Variants in TPRKB observed in about 807,000 individuals in gnomAD.
The protein encoded by TPRKB is TP53RK binding protein.
In TPRKB, 11 loss-of-function variants were observed where a neutral mutation model predicts 17.8. The ratio of observed to expected loss-of-function variants is 0.62; its 90% CI spans 0.39 to 1.02. The LOEUF (loss-of-function observed/expected upper bound fraction) is 1.02, where lower values mean the gene tolerates loss of function less well. TPRKB is among the 50% of genes least tolerant of loss of function. The pLI is 0.00. For missense variants in TPRKB, 228 were observed against 198.0 expected (o/e 1.15, Z -0.91); for synonymous variants, 71 against 69.5 (o/e 1.02, Z -0.11).
chr2:73,732,365 T>G, intron 2 of TPRKB, 80 bp from the exon 3 acceptor site: 1 of 1,443,698 alleles, frequency 6.9e-7, no homozygotes. Flanking sequence ...CATGGTTAAC[T>G]CCAGTGTCAA....
At chr2:73,731,139 T>G (rs1671593762) in intron 3 of TPRKB, 1 of 156,688 alleles carries the variant, frequency 6.4e-6, no homozygotes, top group South Asian at 2.0e-4. Context: ...TCCTCATGGC[T>G]TGGCTGCTGA....
intron 2 of TPRKB, among the ~76,000 whole-genome samples, chr2:73,733,253 T>C (rs990887306): frequency 6.9e-6 from 1 of 143,886 alleles, no homozygotes; most frequent in African/African-American, 2.6e-5. Context: ...CCTGTTTTTT[T>C]GTTTTTTTTT....
chr2:73,732,045 A>G (rs1671635055), intron 3 of TPRKB, 118 bp downstream of exon 3: 1 of 1,127,058 alleles, frequency 8.9e-7, no homozygotes. Flanking sequence ...AGCTCTCTTC[A>G]CTATTATTTG....
At chr2:73,731,536 T>C (rs1008662962) in intron 3 of TPRKB, among the ~76,000 whole-genome samples, 6 of 152,238 alleles carry the variant, frequency 3.9e-5, no homozygotes, top group African/African-American at 1.4e-4. Flanking sequence ...TGCTACAGGT[T>C]TCCTGTAGAT....
chr2:73,730,665 C>A lies in TPRKB; in HGVS notation c.336G>T (p.Glu112Asp). Residue 112 changes from glutamate (E) to aspartate (D), a missense_variant, in exon 4 of 5, where the codon GAG becomes GAT. Coordinates refer to ENST00000272424, the MANE Select transcript of TPRKB (RefSeq NM_016058.5). ...DTSILIVYIE[E>D]GEKQINQEYL... ...ATTCTTGATTTATTTGTTTTTCTCC[C>A]TCTTCAATGTAAACAATTAGAATTG... is the stretch of plus-strand genomic sequence containing the variant. 6.3e-7 allele frequency: 1 copy of A among 1,585,546 alleles called. No individual in the cohort carries two copies. Among genetic ancestry groups the A allele is most frequent in the Non-Finnish European group, 8.5e-7 (1 of 1,170,414 alleles).
chr2:73,737,312 C>A lies in TPRKB; in HGVS notation c.-33G>T, dbSNP rs953326069. 1.3e-5 allele frequency: 2 copies of A among 152,252 alleles called. No homozygotes were observed. Among genetic ancestry groups the A allele is most frequent in the East Asian group, 1.9e-4 (1 of 5,196 alleles). The allele number at this position is 152,252 out of a possible 1,614,324, so 9.4% of individuals were successfully genotyped here. A position where few individuals can be genotyped will look rare whatever the true frequency, so the allele number is the denominator to read the frequency against. On this transcript the variant is annotated 5_prime_UTR_variant, in exon 1 of 5. Coordinates refer to ENST00000272424, the MANE Select transcript of TPRKB (RefSeq NM_016058.5). ...GCAAGGAAAACTCACCATCCGGCCC[C>A]CAGTGCGTCTCGGAAGAGCTCCCGC...
chr2:73,732,162 CAT>C lies in TPRKB; in HGVS notation c.263_264del (p.Ile89PhefsTer13), dbSNP rs1398417934. 6.2e-7 allele frequency: 1 copy of C among 1,612,934 alleles called. No individual in the cohort carries two copies. Among genetic ancestry groups the C allele is most frequent in the Non-Finnish European group, 8.5e-7 (1 of 1,179,574 alleles). Reference sequence around the variant, plus strand: ...AACAGAAATAGGAAAGTGCACATTACATTGTTATTTGGGGAAAGGTTGAAAAT... The same window carrying C: ...AACAGAAATAGGAAAGTGCACATTACTGTTATTTGGGGAAAGGTTGAAAAT... ...EIIFNLSPNNNISEALKKFGI... is the reference protein window; with the variant it reads ...EIIFNLSPNNXISEALKKFGI... On this transcript the variant is annotated frameshift_variant and splice_region_variant, in exon 3 of 5. Transcript: ENST00000272424. LOFTEE classifies it high-confidence loss of function.
chr2:73,730,581 C>CATT lies in TPRKB; in HGVS notation c.417_419dup (p.Ile139dup). 1 of 1,589,332 alleles carries CATT rather than the reference C, an allele frequency of 6.3e-7. No homozygotes were observed. The highest frequency in any genetic ancestry group is 8.5e-7 in the Non-Finnish European group (1 of 1,172,490). ...AAACCTTTTTGACTTCTGTAATATT[C>CATT]ATTATTTCAGGAAGATTTTTCAGAG... On this transcript the variant is annotated inframe_insertion, in exon 4 of 5. Coordinates refer to ENST00000272424, the MANE Select transcript of TPRKB (RefSeq NM_016058.5).
chr2:73,737,305 C>G lies in TPRKB; in HGVS notation c.-26G>C, dbSNP rs1463397035. 2 of 152,282 alleles carry G rather than the reference C, an allele frequency of 1.3e-5. No individual in the cohort carries two copies. The highest frequency in any genetic ancestry group is 4.8e-5 in the African/African-American group (2 of 41,454). The allele number at this position is 152,282 out of a possible 1,614,324, so 9.4% of individuals were successfully genotyped here. A position where few individuals can be genotyped will look rare whatever the true frequency, so the allele number is the denominator to read the frequency against. On this transcript the variant is annotated 5_prime_UTR_variant, in exon 1 of 5. Transcript: ENST00000272424. ...TTAGAGCGCAAGGAAAACTCACCATCCGGCCCCCAGTGCGTCTCGGAAGAG... is the reference window on the plus strand; with the variant it reads ...TTAGAGCGCAAGGAAAACTCACCATGCGGCCCCCAGTGCGTCTCGGAAGAG...
In TPRKB at chr2:73,730,756, A is replaced by G; in HGVS notation, c.265-20T>C. On this transcript the variant is annotated intron_variant, in intron 3 of 4. Coordinates refer to ENST00000272424, the MANE Select transcript of TPRKB (RefSeq NM_016058.5). ...TGAAATCTAAGAGAAAAAAAATGAA[A>G]AAAAAAACACAAGATCATTAACCAT... 6.8e-7 allele frequency: 1 copy of G among 1,478,386 alleles called. No individual in the cohort carries two copies. The highest frequency in any genetic ancestry group is 2.7e-5 in the Admixed American group (1 of 37,608). 91.6% of individuals were successfully genotyped at this position (1,478,386 alleles called of 1,614,324 possible). A position where few individuals can be genotyped will look rare whatever the true frequency, so the allele number is the denominator to read the frequency against.
At chr2:73,733,412 C>G (rs746197771) in intron 2 of TPRKB, among the ~76,000 whole-genome samples, 14 of 152,086 alleles carry the variant, frequency 9.2e-5, no homozygotes, top group Admixed American at 3.3e-4. Flanking sequence ...GCACACACCA[C>G]CACACCCAGC....
intron 2 of TPRKB, 92 bp from the exon 3 acceptor site, chr2:73,732,377 C>CTGTT (rs1248401729): frequency 1.5e-6 from 2 of 1,361,770 alleles, no homozygotes; most frequent in Admixed American, 4.6e-5. Flanking sequence ...CAGTGTCAAG[C>CTGTT]TGTTTTACTT....
chr2:73,737,150 C>G (rs1426251358), intron 1 of TPRKB, among the ~76,000 whole-genome samples, 152 bp downstream of exon 1: 1 of 152,202 alleles, frequency 6.6e-6, no homozygotes, highest in East Asian at 1.9e-4. Context: ...AGGGGACAGC[C>G]TGACTCTATC....
intron 1 of TPRKB, 61 bp from the exon 2 acceptor site, chr2:73,734,652 C>A: frequency 7.2e-7 from 1 of 1,383,968 alleles, no homozygotes; most frequent in Non-Finnish European, 9.7e-7. Flanking sequence ...GAACTCATTT[C>A]TTAATAAATA....
chr2:73,729,905 C>A lies in TPRKB; in HGVS notation c.*38G>T. On this transcript the variant is annotated 3_prime_UTR_variant, in exon 5 of 5. Transcript: ENST00000272424. ...GTCAGGAAAGGAAAATCAATGTTTTCTTTAATGCTGAGAATTTTTGTTAAT... is the reference window on the plus strand; with the variant it reads ...GTCAGGAAAGGAAAATCAATGTTTTATTTAATGCTGAGAATTTTTGTTAAT... 2.8e-6 allele frequency: 4 copies of A among 1,411,938 alleles called. No individual in the cohort carries two copies. The highest frequency in any genetic ancestry group is 1.5e-5 in the African/African-American group (1 of 68,454). The allele number at this position is 1,411,938 out of a possible 1,614,324, so 87.5% of individuals were successfully genotyped here.
At chr2:73,733,418 C>A (rs1671725912) in intron 2 of TPRKB, among the ~76,000 whole-genome samples, 1 of 151,960 alleles carries the variant, frequency 6.6e-6, no homozygotes, top group Non-Finnish European at 1.5e-5. Context: ...ACCACCACAC[C>A]CAGCTACTTT....
chr2:73,732,357 T>C (rs1461411632), intron 2 of TPRKB, 72 bp from the exon 3 acceptor site: 1 of 1,490,018 alleles, frequency 6.7e-7, no homozygotes, highest in African/African-American at 1.4e-5. Flanking sequence ...TGGTAACTCA[T>C]GGTTAACTCC....
At position 73,734,550 on chromosome 2, in the gene TPRKB, A is replaced by T. The variant is rs1489556032; in HGVS notation, c.20T>A (p.Leu7Gln). The stretch of plus-strand genomic sequence containing the variant: ...TACCCTGCATTCGGGAAATAGGTCC[A>T]GCTGATGTGTTAACTGCATTTCACA... MQLTHQ[L>Q]DLFPECRVTL... The change falls in exon 2 of 5, where the codon CTG becomes CAG. Residue 7 changes from leucine (L) to glutamine (Q), a missense_variant. Transcript: ENST00000272424. The T allele has an allele frequency of 1.2e-6, 2 of 1,612,692 alleles. No homozygotes were observed. Among genetic ancestry groups the T allele is most frequent in the East Asian group, 4.5e-5 (2 of 44,878 alleles).
chr2:73,733,254 GT>G (rs756367573), intron 2 of TPRKB, among the ~76,000 whole-genome samples: 129 of 133,828 alleles, frequency 9.6e-4, no homozygotes, highest in African/African-American at 2.9e-3. Context: ...CTGTTTTTTT[GT>G]TTTTTTTTTT....
Sources: allele counts gnomAD v4.1 joint callset (sites outside exome capture counted in the v4.1 genomes callset), GRCh38; gene constraint gnomAD v4.1.1; transcripts MANE v1.5; gene names NCBI Gene and HGNC (gene_info 2026-07-23, HGNC 2026-07-21).